GFOD1: variants seen among roughly 807,000 people sequenced by gnomAD.
GFOD1 encodes glucose-fructose oxidoreductase domain-containing protein 1.
A neutral mutation model predicts 25.4 loss-of-function variants in GFOD1; 9 were observed. That is an observed-to-expected ratio of 0.35 (90% CI 0.21 to 0.62). The LOEUF is 0.62. Ranked by LOEUF, GFOD1 falls within the 20% of genes least tolerant of loss-of-function variation. The probability of loss-of-function intolerance (pLI) is 0.72; values close to 1 mark genes in which losing one functional copy is unlikely to be tolerated. For missense variants in GFOD1, 403 were observed against 556.9 expected (o/e 0.72, Z 2.78); for synonymous variants, 253 against 245.6 (o/e 1.03, Z -0.28).
At chr6:13,425,882 A>AG (rs1786342891) in intron 1 of GFOD1, among the ~76,000 whole-genome samples, 1 of 151,298 alleles carries the variant, frequency 6.6e-6, no homozygotes, top group East Asian at 1.9e-4. Context: ...GAAAAAAAAA[A>AG]AAAGAAGAAG....
At chr6:13,434,343 T>C (rs1757798344) in intron 1 of GFOD1, among the ~76,000 whole-genome samples, 1 of 146,282 alleles carries the variant, frequency 6.8e-6, no homozygotes, top group Non-Finnish European at 1.5e-5. Flanking sequence ...AATATAGAGG[T>C]CAAGTTCAGG....
chr6:13,486,764 C>A lies in GFOD1; in HGVS notation c.127G>T (p.Ala43Ser). 6.2e-7 allele frequency: 1 copy of A among 1,614,168 alleles called. No individual in the cohort carries two copies. Reference sequence around the variant, plus strand: ...TAGAAGGGGACACTCATCTCCTTGGCCAGCTCCTCCGCTTCTTCCTGCGTG... The same window carrying A: ...TAGAAGGGGACACTCATCTCCTTGGACAGCTCCTCCGCTTCTTCCTGCGTG... Reference protein sequence around the residue: ...GRTQEEAEELAKEMSVPFYTS... With the variant: ...GRTQEEAEELSKEMSVPFYTS... The change falls in exon 1 of 2, where the codon GCC (alanine) becomes TCC (serine). Residue 43 changes from alanine (A) to serine (S), a missense_variant. Coordinates refer to ENST00000379287, the MANE Select transcript of GFOD1 (RefSeq NM_018988.4).
intron 1 of GFOD1, among the ~76,000 whole-genome samples, chr6:13,388,219 C>T (rs996790038): frequency 2.6e-5 from 4 of 152,188 alleles, no homozygotes; most frequent in South Asian, 4.1e-4. Context: ...ATGCTATCTC[C>T]ATCAAGTTAC....
In GFOD1 at chr6:13,475,719, A is replaced by AAAT. The variant is rs56303574; in HGVS notation, c.253+10916_253+10918dup. 3.1e-3 allele frequency among the ~76,000 whole-genome samples: 427 copies of AAAT among 135,558 alleles called. 2 individuals carry two copies. The highest frequency in any genetic ancestry group is 0.011 in the African/African-American group (403 of 35,492). 88.9% of individuals were successfully genotyped at this position (135,558 alleles called of 152,430 possible). A position where few individuals can be genotyped will look rare whatever the true frequency, so the allele number is the denominator to read the frequency against. ...GGTGACAGTGCAAGACTCCATCTCA[A>AAAT]AATAATAATAATAATAATAATAATA... On this transcript the variant is annotated intron_variant, in intron 1 of 1. Coordinates refer to ENST00000379287, the MANE Select transcript of GFOD1 (RefSeq NM_018988.4).
intron 1 of GFOD1, among the ~76,000 whole-genome samples, chr6:13,382,354 G>A (rs570646421): frequency 0.055 from 8,344 of 151,456 alleles, 469 homozygotes; most frequent in African/African-American, 0.14. Context: ...TCATGGGGGG[G>A]GGGGTTCTTT....
At chr6:13,448,131 C>T (rs999565319) in intron 1 of GFOD1, among the ~76,000 whole-genome samples, 14 of 152,152 alleles carry the variant, frequency 9.2e-5, no homozygotes, top group Non-Finnish European at 1.3e-4. Context: ...AGCAAGCTGA[C>T]GCAGCAGGGA....
At chr6:13,386,644 G>T (rs1053998562) in intron 1 of GFOD1, among the ~76,000 whole-genome samples, 3 of 152,106 alleles carry the variant, frequency 2.0e-5, no homozygotes, top group Non-Finnish European at 2.9e-5. Context: ...TCAATGGGTG[G>T]TGCTCACCTC....
At chr6:13,366,733 G>A (rs1394179947) in intron 1 of GFOD1, among the ~76,000 whole-genome samples, 1 of 151,798 alleles carries the variant, frequency 6.6e-6, no homozygotes, top group African/African-American at 2.4e-5. Context: ...GGTCTTAAGT[G>A]GTCCCCTACC....
At chr6:13,411,434 G>T (rs1204442158) in intron 1 of GFOD1, among the ~76,000 whole-genome samples, 2 of 152,166 alleles carry the variant, frequency 1.3e-5, no homozygotes, top group East Asian at 3.9e-4. Context: ...TGGGATTACA[G>T]GTGCATGCCA....
chr6:13,384,151 C>T (rs901838739), intron 1 of GFOD1, among the ~76,000 whole-genome samples: 3 of 152,024 alleles, frequency 2.0e-5, no homozygotes, highest in Non-Finnish European at 2.9e-5. Context: ...CACTTGAACC[C>T]GGGGATGGAG....
chr6:13,419,508 AC>A (rs1253963386), intron 1 of GFOD1, among the ~76,000 whole-genome samples: 1 of 152,044 alleles, frequency 6.6e-6, no homozygotes, highest in Non-Finnish European at 1.5e-5. Context: ...CGATGGCTAA[AC>A]CAGAGCCACA....
chr6:13,373,342 T>TA lies in GFOD1; in HGVS notation c.254-7681dup, dbSNP rs567927475. Among the ~76,000 whole-genome samples, 58 of 152,252 alleles carry TA rather than the reference T, an allele frequency of 3.8e-4. No individual in the cohort carries two copies. The South Asian group carries it at 0.012, about 30-fold the overall frequency. Reference sequence around the variant, plus strand: ...CATCATTCAGAGTTTGGTTCGGGTATAAAAAATGGTCTAAAATAAGATTAA... The same window carrying TA: ...CATCATTCAGAGTTTGGTTCGGGTATAAAAAAATGGTCTAAAATAAGATTAA... On this transcript the variant is annotated intron_variant, in intron 1 of 1. Coordinates refer to ENST00000379287, the MANE Select transcript of GFOD1 (RefSeq NM_018988.4).
At chr6:13,429,216 A>AG (rs1562216490) in intron 1 of GFOD1, among the ~76,000 whole-genome samples, 1 of 152,188 alleles carries the variant, frequency 6.6e-6, no homozygotes, top group Non-Finnish European at 1.5e-5. Context: ...TGGCCATAGC[A>AG]CAGCTGCCAG....
chr6:13,426,612 A>G (rs1786357779), intron 1 of GFOD1, among the ~76,000 whole-genome samples: 1 of 152,090 alleles, frequency 6.6e-6, no homozygotes, highest in South Asian at 2.1e-4. Context: ...GGTGTTCTGA[A>G]GGCACCCGAG....
chr6:13,390,709 G>A (rs1440635283), intron 1 of GFOD1, among the ~76,000 whole-genome samples: 1 of 128,932 alleles, frequency 7.8e-6, no homozygotes, highest in Admixed American at 8.5e-5. Flanking sequence ...CCTGGTGACA[G>A]TGAGACCCTG....
At chr6:13,373,778 CTTTTT>C (rs10717560) in intron 1 of GFOD1, among the ~76,000 whole-genome samples, 3 of 125,446 alleles carry the variant, frequency 2.4e-5, no homozygotes, top group African/African-American at 9.3e-5. Context: ...ACACACTACG[CTTTTT>C]TTTTTTTTTT....
intron 1 of GFOD1, among the ~76,000 whole-genome samples, chr6:13,424,803 T>C (rs1786323566): frequency 6.6e-6 from 1 of 152,142 alleles, no homozygotes; most frequent in African/African-American, 2.4e-5. Context: ...TTTGGAATTA[T>C]CCATCCAATC....
intron 1 of GFOD1, among the ~76,000 whole-genome samples, chr6:13,424,160 G>C (rs1481638290): frequency 6.6e-6 from 1 of 152,188 alleles, no homozygotes; most frequent in Admixed American, 6.5e-5. Context: ...GACCAGCCTG[G>C]TCATTCACCC....
intron 1 of GFOD1, among the ~76,000 whole-genome samples, chr6:13,387,143 A>G (rs1259445290): frequency 1.3e-5 from 2 of 152,208 alleles, no homozygotes. Context: ...GCTTTCCCAC[A>G]TGGAAGAGGC....
Sources: gnomAD v4.1 joint callset for allele counts (sites outside exome capture counted in the v4.1 genomes callset) on GRCh38, gnomAD v4.1.1 for gene constraint, MANE v1.5 for transcripts, NCBI Gene and HGNC (gene_info 2026-07-23, HGNC 2026-07-21) for gene names.